The following SNRPA1 variants were observed in gnomAD, a reference collection of about 807,000 sequenced individuals.
SNRPA1 encodes the protein small nuclear ribonucleoprotein polypeptide A'.
In SNRPA1, 5 loss-of-function variants were observed where a neutral mutation model predicts 32.3. The ratio of observed to expected loss-of-function variants is 0.15; its 90% CI spans 0.08 to 0.33. The LOEUF is 0.33. Ranked by LOEUF, SNRPA1 falls within the 10% of genes least tolerant of loss-of-function variation. The probability of loss-of-function intolerance (pLI) is 1.00; values close to 1 mark genes in which losing one functional copy is unlikely to be tolerated. For missense variants in SNRPA1, 198 were observed against 311.1 expected, an observed-to-expected ratio of 0.64 and a Z score of 2.74; for synonymous variants, 111 against 120.1, an observed-to-expected ratio of 0.92 and a Z score of 0.50.
intron 3 of SNRPA1, among the ~76,000 whole-genome samples, chr15:101,290,895 C>A (rs1298971078): frequency 1.3e-5 from 2 of 152,080 alleles, no homozygotes; most frequent in Non-Finnish European, 2.9e-5. Flanking sequence ...GAACCCACCA[C>A]CACGCCCGGC....
In SNRPA1 at chr15:101,283,797, G is replaced by A. The variant is rs59050272; in HGVS notation, c.709+1170C>T. 2.9e-4 allele frequency among the ~76,000 whole-genome samples: 44 copies of A among 151,930 alleles called. No individual in the cohort carries two copies. In the East Asian group the frequency reaches 8.0e-3, roughly 28 times the overall value. On this transcript the variant is annotated intron_variant, in intron 8 of 8. Coordinates refer to ENST00000254193, the MANE Select transcript of SNRPA1 (RefSeq NM_003090.4). ...TGTCTCTACTAAAAATTAATTAGCC[G>A]GGCACGGTAGCAGGTGCCTGTAATC...
At chr15:101,283,980 C>T (rs1233519925) in intron 8 of SNRPA1, among the ~76,000 whole-genome samples, 1 of 152,242 alleles carries the variant, frequency 6.6e-6, no homozygotes, top group African/African-American at 2.4e-5. Context: ...TAGCTCCCAG[C>T]TCAAACATTA....
At chr15:101,283,339 G>A (rs1337054469) in intron 8 of SNRPA1, among the ~76,000 whole-genome samples, 1 of 151,742 alleles carries the variant, frequency 6.6e-6, no homozygotes, top group African/African-American at 2.4e-5. Context: ...ATGAGGTCAG[G>A]AGATCGAGAC....
intron 1 of SNRPA1, 165 bp from the exon 2 acceptor site, chr15:101,293,337 T>C: frequency 2.0e-6 from 1 of 498,446 alleles, no homozygotes; most frequent in South Asian, 3.9e-5. Context: ...CTGTTTAAGA[T>C]ACTAGAGAGA....
intron 3 of SNRPA1, among the ~76,000 whole-genome samples, chr15:101,290,994 C>G (rs2039519868): frequency 6.6e-6 from 1 of 152,092 alleles, no homozygotes; most frequent in African/African-American, 2.4e-5. Flanking sequence ...CCCGCCTCGG[C>G]CTCCCAAAGT....
intron 3 of SNRPA1, chr15:101,289,852 G>C (rs2039500087): frequency 7.0e-6 from 1 of 143,312 alleles, no homozygotes; most frequent in African/African-American, 2.7e-5. Context: ...GGCAGCAGGA[G>C]AATCACTTGA....
At chr15:101,289,201 G>T (rs1278539743) in intron 3 of SNRPA1, among the ~76,000 whole-genome samples, 2 of 152,208 alleles carry the variant, frequency 1.3e-5, no homozygotes, top group African/African-American at 4.8e-5. Context: ...AGTGTAAAAC[G>T]TAATGGCGAT....
chr15:101,285,728 T>C lies in SNRPA1; in HGVS notation c.613A>G (p.Lys205Glu). The change falls in exon 7 of 9, where the codon AAG (lysine) becomes GAG (glutamate). Residue 205 changes from lysine to glutamate, a missense_variant and splice_region_variant. Transcript: ENST00000254193. ...CAAGAATCCTAACACATGATTACCTTGATTGCTTCTACATCCCCTGGAGAT... is the reference window on the plus strand; with the variant it reads ...CAAGAATCCTAACACATGATTACCTCGATTGCTTCTACATCCCCTGGAGAT... ...GPSPGDVEAI[K>E]NAIANASTLA... The C allele has an allele frequency of 6.2e-7, 1 of 1,610,786 alleles. No homozygotes were observed. Among genetic ancestry groups the C allele is most frequent in the Non-Finnish European group, 8.5e-7 (1 of 1,176,932 alleles).
At position 101,287,159 on chromosome 15, in the gene SNRPA1, T is replaced by C. The variant is rs113931579; in HGVS notation, c.357-149A>G. ...GTAACAATTTAACATTAAGGAAATA[T>C]ATTCAATCTTTCTTTGTAAAAGGCA... On this transcript the variant is annotated intron_variant, in intron 4 of 8. Transcript: ENST00000254193. 1.2e-3 allele frequency: 595 copies of C among 514,834 alleles called. 3 individuals are homozygous for C. The highest frequency in any genetic ancestry group is 9.8e-3 in the African/African-American group (502 of 51,486). The allele number at this position is 514,834 out of a possible 1,614,324, so 31.9% of individuals were successfully genotyped here.
chr15:101,285,167 T>C, intron 7 of SNRPA1, 107 bp from the exon 8 acceptor site: 2 of 737,202 alleles, frequency 2.7e-6, no homozygotes, highest in Admixed American at 4.1e-5. Context: ...AACTTCTCCA[T>C]CAGGAACATT....
intron 3 of SNRPA1, among the ~76,000 whole-genome samples, chr15:101,291,685 C>A (rs540827643): frequency 6.6e-6 from 1 of 152,088 alleles, no homozygotes; most frequent in Admixed American, 6.6e-5. Context: ...GAAATTTAAA[C>A]ATCAAAAGGG....
At chr15:101,289,645 A>G (rs1596471852) in intron 3 of SNRPA1, among the ~76,000 whole-genome samples, 2 of 152,222 alleles carry the variant, frequency 1.3e-5, no homozygotes, top group South Asian at 2.1e-4. Flanking sequence ...AAAAATTCCA[A>G]CCAGAGCTGG....
intron 5 of SNRPA1, chr15:101,286,541 T>C: frequency 4.0e-6 from 2 of 499,054 alleles, no homozygotes; most frequent in Non-Finnish European, 7.0e-6. Flanking sequence ...AAATGAATAA[T>C]AAAATAATGA....
chr15:101,288,800 A>G (rs1238927435), intron 3 of SNRPA1, among the ~76,000 whole-genome samples: 1 of 152,346 alleles, frequency 6.6e-6, no homozygotes, highest in African/African-American at 2.4e-5. Context: ...AACTCCAGTG[A>G]CTGAGAAAAG....
chr15:101,283,657 TTC>T (rs1307213042), intron 8 of SNRPA1, among the ~76,000 whole-genome samples: 1 of 149,164 alleles, frequency 6.7e-6, no homozygotes, highest in African/African-American at 2.5e-5. Context: ...CTTAAAAAAT[TTC>T]TTTTTGGCTG....
At chr15:101,282,249 G>C (rs1596468710) in intron 8 of SNRPA1, among the ~76,000 whole-genome samples, 4 of 152,306 alleles carry the variant, frequency 2.6e-5, no homozygotes, top group Admixed American at 2.6e-4. Flanking sequence ...ATTTATGGCA[G>C]GTATTTTGCT....
At chr15:101,289,461 G>A (rs4275835) in intron 3 of SNRPA1, among the ~76,000 whole-genome samples, 14,634 of 152,156 alleles carry the variant, frequency 0.096, 1,961 homozygotes, top group African/African-American at 0.3. Context: ...AAAATGGAAT[G>A]ACAGAAGGAG....
rs568044133 is a variant in SNRPA1, at chr15:101,287,881, T to C, written c.310-179A>G. 17 of 570,786 alleles carry C rather than the reference T, an allele frequency of 3.0e-5. No individual in the cohort carries two copies. In the East Asian group the frequency reaches 3.5e-4, roughly 12 times the overall value. The allele number at this position is 570,786 out of a possible 1,614,324, so 35.4% of individuals were successfully genotyped here. ...TAAATAATTTCTACCGATGAATACA[T>C]GGGAGCTTCTTAAAATCTTGGCATT... On this transcript the variant is annotated intron_variant, in intron 3 of 8. Transcript: ENST00000254193.
intron 3 of SNRPA1, among the ~76,000 whole-genome samples, chr15:101,291,459 CTTA>C (rs911475700): frequency 2.0e-5 from 3 of 151,390 alleles, no homozygotes; most frequent in African/African-American, 7.3e-5. Flanking sequence ...TGCCATTTAA[CTTA>C]TTATCCAAAA....
Sources: allele counts gnomAD v4.1 joint callset (sites outside exome capture counted in the v4.1 genomes callset), GRCh38; gene constraint gnomAD v4.1.1; transcripts MANE v1.5; gene names NCBI Gene and HGNC (gene_info 2026-07-23, HGNC 2026-07-21).